CNTNAP5: variants seen among roughly 807,000 people sequenced by gnomAD.
The protein encoded by CNTNAP5 is contactin associated protein family member 5.
CNTNAP5 carries 72 observed loss-of-function variants against 150.2 expected under a neutral mutation model. The ratio of observed to expected loss-of-function variants is 0.48; its 90% CI spans 0.40 to 0.58. CNTNAP5 has a LOEUF of 0.58. Ranked by LOEUF, CNTNAP5 falls within the 20% of genes least tolerant of loss-of-function variation. The pLI, the probability that CNTNAP5 is intolerant of heterozygous loss-of-function variation, is 0.00. For missense variants in CNTNAP5, 1,636 were observed against 1,626.2 expected (o/e 1.01, Z -0.10); for synonymous variants, 672 against 619.8 (o/e 1.08, Z -1.25).
At chr2:124,655,729 C>A (rs1197481563) in intron 13 of CNTNAP5, among the ~76,000 whole-genome samples, 1 of 151,610 alleles carries the variant, frequency 6.6e-6, no homozygotes, top group Non-Finnish European at 1.5e-5. Flanking sequence ...AAGACCTTGA[C>A]CCTACAAAAG....
At chr2:124,588,630 CCTT>C (rs1393755002) in intron 11 of CNTNAP5, among the ~76,000 whole-genome samples, 2 of 151,948 alleles carry the variant, frequency 1.3e-5, no homozygotes, top group African/African-American at 4.8e-5. Flanking sequence ...TAAATATAAA[CCTT>C]ATTATTATGT....
At chr2:124,713,243 C>CTTTTTTTCTTTCTTTCTTTCTT (rs1280851827) in intron 13 of CNTNAP5, among the ~76,000 whole-genome samples, 1 of 65,162 alleles carries the variant, frequency 1.5e-5, no homozygotes, top group Non-Finnish European at 3.2e-5. Context: ...TTCTTTCTTT[C>CTTTTTTTCTTTCTTTCTTTCTT]TCTTTCTTTC....
At chr2:124,787,035 C>A (rs540452526) in intron 17 of CNTNAP5, among the ~76,000 whole-genome samples, 52 of 152,232 alleles carry the variant, frequency 3.4e-4, no homozygotes, top group African/African-American at 1.2e-3. Flanking sequence ...TTCTGTAAGT[C>A]TCAAACCTTA....
chr2:124,382,228 C>T (rs1690813426), intron 3 of CNTNAP5, among the ~76,000 whole-genome samples: 1 of 152,058 alleles, frequency 6.6e-6, no homozygotes. Context: ...GCTCTCTGCA[C>T]TGGAAAGAAG....
chr2:124,026,845 C>T (rs1035412142), intron 1 of CNTNAP5, among the ~76,000 whole-genome samples: 3 of 152,168 alleles, frequency 2.0e-5, no homozygotes, highest in African/African-American at 7.2e-5. Context: ...ACATAGGGAC[C>T]TTTCTACCTC....
At chr2:124,193,219 C>T (rs1262880511) in intron 1 of CNTNAP5, among the ~76,000 whole-genome samples, 2 of 152,200 alleles carry the variant, frequency 1.3e-5, no homozygotes, top group Non-Finnish European at 2.9e-5. Context: ...TGCAAAGACC[C>T]TATTTTCAAA....
At chr2:124,362,075 G>C (rs534325148) in intron 3 of CNTNAP5, among the ~76,000 whole-genome samples, 1 of 152,180 alleles carries the variant, frequency 6.6e-6, no homozygotes, top group African/African-American at 2.4e-5. Flanking sequence ...CGATTTTCCC[G>C]GTGCTGTCCG....
intron 14 of CNTNAP5, among the ~76,000 whole-genome samples, chr2:124,759,938 CTTT>C (rs571408475): frequency 0.056 from 4,718 of 83,614 alleles, 196 homozygotes; most frequent in African/African-American, 0.13. Flanking sequence ...ACTCCTCGGT[CTTT>C]TTTTTTTTTT....
chr2:124,263,841 G>T (rs1488346982), intron 3 of CNTNAP5, among the ~76,000 whole-genome samples: 1 of 152,108 alleles, frequency 6.6e-6, no homozygotes, highest in Non-Finnish European at 1.5e-5. Context: ...TGTAAGGAAG[G>T]GATCCAGTTT....
intron 10 of CNTNAP5, among the ~76,000 whole-genome samples, chr2:124,531,923 G>A (rs1456875368): frequency 6.6e-6 from 1 of 152,196 alleles, no homozygotes; most frequent in African/African-American, 2.4e-5. Context: ...CAGACACTCA[G>A]TTTAGCAGCC....
intron 12 of CNTNAP5, among the ~76,000 whole-genome samples, chr2:124,638,084 G>C (rs1199833334): frequency 6.6e-6 from 1 of 151,000 alleles, no homozygotes; most frequent in Non-Finnish European, 1.5e-5. Context: ...GTGCGTGTAT[G>C]TGTGTGTGTG....
At chr2:124,234,493 A>G (rs1223297599) in intron 2 of CNTNAP5, among the ~76,000 whole-genome samples, 1 of 152,214 alleles carries the variant, frequency 6.6e-6, no homozygotes, top group African/African-American at 2.4e-5. Context: ...ATTCACTACC[A>G]TATTGAACAA....
chr2:124,221,840 A>C, intron 2 of CNTNAP5, 31 bp downstream of exon 2: 1 of 1,409,840 alleles, frequency 7.1e-7, no homozygotes, highest in Non-Finnish European at 9.9e-7. Flanking sequence ...CCTAATGCCA[A>C]GCACTAAATA....
At chr2:124,159,842 A>G (rs151328814) in intron 1 of CNTNAP5, among the ~76,000 whole-genome samples, 2 of 152,232 alleles carry the variant, frequency 1.3e-5, no homozygotes, top group Non-Finnish European at 2.9e-5. Flanking sequence ...TATGAAATTC[A>G]TAAGAAAAAT....
chr2:124,028,187 T>A (rs987144391), intron 1 of CNTNAP5, among the ~76,000 whole-genome samples: 2 of 152,148 alleles, frequency 1.3e-5, no homozygotes, highest in Non-Finnish European at 2.9e-5. Flanking sequence ...TAACCCAATA[T>A]TTTCCATAGT....
chr2:124,255,584 T>TAAAATAAAATAA (rs1558821619), intron 3 of CNTNAP5, among the ~76,000 whole-genome samples: 9 of 59,036 alleles, frequency 1.5e-4, no homozygotes, highest in African/African-American at 5.3e-4. Context: ...TAAAATAAAA[T>TAAAATAAAATAA]AATAATTTTT....
At chr2:124,205,602 A>G (rs139882639) in intron 1 of CNTNAP5, among the ~76,000 whole-genome samples, 3,493 of 152,040 alleles carry the variant, frequency 0.023, 134 homozygotes, top group African/African-American at 0.078. Flanking sequence ...TATTTTTAGT[A>G]GAGATGGGGT....
Position 124,197,990 on chromosome 2 carries a change from TAAA to T in CNTNAP5, c.83-23712_83-23710del, listed in dbSNP as rs1685631893. On this transcript the variant is annotated intron_variant, in intron 1 of 23. Transcript: ENST00000682447. ...AGACTCTGTCTCAAAAAAAAAATAA[TAAA>T]AATAAAAATAATAATAATAATAAAA... Among the ~76,000 whole-genome samples, 39 of 150,804 alleles carry T rather than the reference TAAA, an allele frequency of 2.6e-4. No individual in the cohort carries two copies. In the South Asian group the frequency reaches 7.6e-3, roughly 29 times the overall value.
At chr2:124,853,204 T>G (rs1442757701) in intron 19 of CNTNAP5, among the ~76,000 whole-genome samples, 1 of 152,222 alleles carries the variant, frequency 6.6e-6, no homozygotes, top group Non-Finnish European at 1.5e-5. Context: ...TTTGATGATG[T>G]GAGGGCCATA....
Sources: gnomAD v4.1 joint callset for allele counts (sites outside exome capture counted in the v4.1 genomes callset) on GRCh38, gnomAD v4.1.1 for gene constraint, MANE v1.5 for transcripts, NCBI Gene and HGNC (gene_info 2026-07-23, HGNC 2026-07-21) for gene names.